DHRS12: variants seen among roughly 807,000 people sequenced by gnomAD.
DHRS12 encodes the protein dehydrogenase/reductase SDR family member 12.
A neutral mutation model predicts 32.1 loss-of-function variants in DHRS12; 29 were observed. The ratio of observed to expected loss-of-function variants is 0.90; its 90% CI spans 0.67 to 1.23. The LOEUF (loss-of-function observed/expected upper bound fraction) is 1.23. Ranked by LOEUF, DHRS12 falls within the 50% of genes most tolerant of loss-of-function variation. DHRS12 has a pLI of 0.00. For synonymous variants in DHRS12, 150 were observed against 135.9 expected (o/e 1.10, Z -0.72); for missense variants, 330 against 337.2 (o/e 0.98, Z 0.17).
chr13:51,769,347 T>A, intron 7 of DHRS12, 54 bp from the exon 8 acceptor site: 1 of 1,329,572 alleles, frequency 7.5e-7, no homozygotes, highest in African/African-American at 1.5e-5. Context: ...GCAAATGTGG[T>A]TGACTTCCCT....
intron 4 of DHRS12, among the ~76,000 whole-genome samples, chr13:51,785,667 T>C (rs1040011591): frequency 1.3e-5 from 2 of 152,214 alleles, no homozygotes; most frequent in Non-Finnish European, 2.9e-5. Context: ...ATACCAAACC[T>C]GCAGCTTGGA....
the DHRS12 span, chr13:51,759,738 A>C: frequency 6.2e-7 from 1 of 1,613,758 alleles, no homozygotes; most frequent in Non-Finnish European, 8.5e-7. Flanking sequence ...TTCTTTTTGC[A>C]GTTGTGGGAT....
chr13:51,798,788 A>C (rs1262859102), intron 2 of DHRS12, among the ~76,000 whole-genome samples: 2 of 152,196 alleles, frequency 1.3e-5, no homozygotes, highest in African/African-American at 4.8e-5. Flanking sequence ...CTAGTTCCCC[A>C]CCTTCTGCTG....
At chr13:51,794,041 T>C (rs1370114843) in intron 2 of DHRS12, among the ~76,000 whole-genome samples, 1 of 152,100 alleles carries the variant, frequency 6.6e-6, no homozygotes, top group Non-Finnish European at 1.5e-5. Context: ...ATCATCTGTG[T>C]CCCTCTGAGG....
chr13:51,771,092 C>A, intron 7 of DHRS12: 1 of 1,456,934 alleles, frequency 6.9e-7, no homozygotes, highest in Non-Finnish European at 9.0e-7. Context: ...GCCTCAGTTC[C>A]CTCATCTGTA....
intron 2 of DHRS12, among the ~76,000 whole-genome samples, chr13:51,798,721 TAGAG>T (rs58995024): frequency 0.16 from 24,915 of 152,100 alleles, 2,184 homozygotes; most frequent in East Asian, 0.35. Context: ...AACTTGGATT[TAGAG>T]AGAGGAAAAA....
intron 1 of DHRS12, among the ~76,000 whole-genome samples, chr13:51,800,064 A>T (rs1467092813): frequency 2.0e-5 from 3 of 152,074 alleles, no homozygotes; most frequent in Non-Finnish European, 4.4e-5. Flanking sequence ...TGCAGGACAG[A>T]TATCCTTGCC....
intron 2 of DHRS12, among the ~76,000 whole-genome samples, chr13:51,799,273 C>T (rs1016461172): frequency 1.3e-5 from 2 of 152,194 alleles, no homozygotes; most frequent in Admixed American, 6.5e-5. Context: ...GAGCCCCTCG[C>T]TGTTCTTAAT....
Position 51,777,048 on chromosome 13 carries a change from A to AG in DHRS12, c.363+11dup. ...TCCATTATCCTCAAAACATCCCATA[A>AG]GGTCAACTCACCACTCGGGGGTCGT... On this transcript the variant is annotated intron_variant, in intron 5 of 8. Transcript: ENST00000444610. The AG allele has an allele frequency of 1.9e-6, 3 of 1,614,090 alleles. No individual in the cohort carries two copies. The highest frequency in any genetic ancestry group is 1.1e-5 in the South Asian group (1 of 91,078).
chr13:51,784,257 C>T (rs1473229465), intron 4 of DHRS12, among the ~76,000 whole-genome samples: 1 of 152,210 alleles, frequency 6.6e-6, no homozygotes, highest in Non-Finnish European at 1.5e-5. Context: ...TGAGCCACAA[C>T]AGGCACACAG....
chr13:51,768,551 G>A, intron 8 of DHRS12: 2 of 1,350,278 alleles, frequency 1.5e-6, no homozygotes, highest in South Asian at 3.5e-5. Context: ...AGCAGGAAGG[G>A]GTGCGGCCAT....
At chr13:51,777,599 T>C (rs144207124) in intron 4 of DHRS12, among the ~76,000 whole-genome samples, 105 of 152,374 alleles carry the variant, frequency 6.9e-4, no homozygotes, top group African/African-American at 2.3e-3. Context: ...TGGTTATTTC[T>C]TCAATCAAGA....
chr13:51,796,859 T>C (rs546141485), intron 2 of DHRS12, among the ~76,000 whole-genome samples: 1 of 152,324 alleles, frequency 6.6e-6, no homozygotes, highest in Non-Finnish European at 1.5e-5. Flanking sequence ...CCTGATGGCA[T>C]GAGACTGGGG....
intron 1 of DHRS12, among the ~76,000 whole-genome samples, chr13:51,802,954 G>A (rs771168440): frequency 1.5e-4 from 23 of 152,198 alleles, no homozygotes; most frequent in Non-Finnish European, 2.5e-4. Flanking sequence ...GTTGGAAACT[G>A]ACTTAAGCTT....
intron 6 of DHRS12, among the ~76,000 whole-genome samples, chr13:51,772,377 C>G (rs982613739): frequency 6.6e-6 from 1 of 152,050 alleles, no homozygotes; most frequent in Admixed American, 6.6e-5. Flanking sequence ...GTCTGTAATC[C>G]CAACACTTTG....
At position 51,777,302 on chromosome 13, in the gene DHRS12, T is replaced by G. The variant is rs200671185; in HGVS notation, c.302-181A>C. 4.8e-6 allele frequency: 3 copies of G among 623,136 alleles called. No homozygotes were observed. In the East Asian group the frequency reaches 8.2e-5, roughly 17 times the overall value. 38.6% of individuals were successfully genotyped at this position (623,136 alleles called of 1,614,324 possible). On this transcript the variant is annotated intron_variant, in intron 4 of 8. Transcript: ENST00000444610. Reference sequence around the variant, plus strand: ...AGCCAAATGTTCCTTTTCCCAGGACTGGAAGAAAGATGCCTTAGAGCCTCA... The same window carrying G: ...AGCCAAATGTTCCTTTTCCCAGGACGGGAAGAAAGATGCCTTAGAGCCTCA...
chr13:51,789,085 G>A (rs1006163880), intron 4 of DHRS12, among the ~76,000 whole-genome samples: 4 of 152,142 alleles, frequency 2.6e-5, no homozygotes, highest in African/African-American at 9.7e-5. Flanking sequence ...TGATATGTTG[G>A]CTTCCAACTG....
chr13:51,767,977 G>T (rs1341541574), downstream of DHRS12: 12 of 1,366,432 alleles, frequency 8.8e-6, no homozygotes, highest in South Asian at 1.8e-5. Flanking sequence ...AATAAGAAAA[G>T]AACCTGCTGC....
chr13:51,767,936 AGAAAACC>A, downstream of DHRS12: 1 of 1,272,434 alleles, frequency 7.9e-7, no homozygotes, highest in Non-Finnish European at 1.0e-6. Context: ...CGAATTCTTT[AGAAAACC>A]ATTCTCGAAT....
Sources: allele counts gnomAD v4.1 joint callset (sites outside exome capture counted in the v4.1 genomes callset), GRCh38; gene constraint gnomAD v4.1.1; transcripts MANE v1.5; gene names NCBI Gene and HGNC (gene_info 2026-07-23, HGNC 2026-07-21).